The following ST7L variants were observed in gnomAD, a reference collection of about 807,000 sequenced individuals.
ST7L encodes the protein suppressor of tumorigenicity 7 protein-like.
In ST7L, 57 loss-of-function variants were observed where a neutral mutation model predicts 72.5. The observed-to-expected ratio is 0.79, with a 90% CI of 0.64 to 0.98. ST7L has a LOEUF of 0.98. ST7L is among the 50% of genes least tolerant of loss of function. The probability of loss-of-function intolerance (pLI) is 0.00; values close to 1 mark genes in which losing one functional copy is unlikely to be tolerated. For missense variants in ST7L, 576 were observed against 672.2 expected (o/e 0.86, Z 1.58); for synonymous variants, 221 against 240.9 (o/e 0.92, Z 0.77).
chr1:112,542,836 G>A (rs1172681061), intron 13 of ST7L, among the ~76,000 whole-genome samples: 2 of 151,896 alleles, frequency 1.3e-5, no homozygotes, highest in Non-Finnish European at 2.9e-5. Flanking sequence ...GTCTCGCTCT[G>A]TTGCCTAGGC....
chr1:112,531,493 A>C (rs967366276), intron 14 of ST7L, among the ~76,000 whole-genome samples: 1 of 152,192 alleles, frequency 6.6e-6, no homozygotes, highest in African/African-American at 2.4e-5. Flanking sequence ...TAACCGAATA[A>C]ATTCTTCTGA....
chr1:112,548,670 A>G (rs566382999), intron 13 of ST7L, among the ~76,000 whole-genome samples: 3 of 152,346 alleles, frequency 2.0e-5, no homozygotes, highest in South Asian at 2.1e-4. Context: ...TTTATATCAC[A>G]TAAGAAAACA....
intron 14 of ST7L, chr1:112,540,492 C>T (rs751792143): frequency 1.2e-5 from 12 of 985,386 alleles, no homozygotes; most frequent in Non-Finnish European, 1.4e-5. Flanking sequence ...AGTTTCCAAA[C>T]CAAATAGCTA....
intron 13 of ST7L, among the ~76,000 whole-genome samples, chr1:112,542,543 A>T (rs115281554): frequency 0.017 from 2,511 of 152,176 alleles, 76 homozygotes; most frequent in African/African-American, 0.058. Flanking sequence ...GATCGCTTAA[A>T]GCCAGGCATG....
intron 13 of ST7L, among the ~76,000 whole-genome samples, chr1:112,548,343 G>C (rs775638858): frequency 8.5e-5 from 13 of 152,130 alleles, no homozygotes; most frequent in Non-Finnish European, 1.9e-4. Flanking sequence ...GGGCAACAAG[G>C]ACGGAAACTC....
chr1:112,574,266 C>T (rs1358116315), intron 11 of ST7L, among the ~76,000 whole-genome samples: 12 of 145,606 alleles, frequency 8.2e-5, no homozygotes, highest in African/African-American at 1.8e-4. Flanking sequence ...ACCCAGGCTG[C>T]GGTGTAATGG....
intron 6 of ST7L, among the ~76,000 whole-genome samples, chr1:112,587,834 T>C (rs577039340): frequency 3.3e-5 from 5 of 152,332 alleles, no homozygotes; most frequent in Non-Finnish European, 7.3e-5. Flanking sequence ...AGGATCGCCT[T>C]GTCCATTTCT....
At chr1:112,613,832 A>G (rs1465994151) in intron 2 of ST7L, among the ~76,000 whole-genome samples, 1 of 152,056 alleles carries the variant, frequency 6.6e-6, no homozygotes, top group Non-Finnish European at 1.5e-5. Flanking sequence ...GGCTCAAGCA[A>G]TCCTCCCACC....
At chr1:112,570,566 T>TACACACACACACACAC (rs1349137965) in intron 11 of ST7L, among the ~76,000 whole-genome samples, 16 of 134,026 alleles carry the variant, frequency 1.2e-4, no homozygotes, top group African/African-American at 4.9e-4. Flanking sequence ...TATATATATA[T>TACACACACACACACAC]ATATACACAC....
At chr1:112,594,613 T>G (rs983147988) in intron 5 of ST7L, among the ~76,000 whole-genome samples, 6 of 152,206 alleles carry the variant, frequency 3.9e-5, no homozygotes. Context: ...TGGTAAGTTC[T>G]AGGCAAAGTT....
intron 3 of ST7L, among the ~76,000 whole-genome samples, chr1:112,602,134 T>C (rs934942976): frequency 1.3e-5 from 2 of 150,958 alleles, no homozygotes; most frequent in African/African-American, 4.9e-5. Context: ...TGTAAGAAAT[T>C]GATGAAGGAC....
Position 112,525,527 on chromosome 1 carries a change from ATTCC to A in ST7L, c.*482_*485del. On this transcript the variant is annotated 3_prime_UTR_variant, in exon 15 of 15. Transcript: ENST00000358039. The stretch of plus-strand genomic sequence containing the variant: ...ATTATCTCTGAGCATCTCGGTGGCT[ATTCC>A]TCATTTACTTAAGATGTTTTAGTCA... The A allele has an allele frequency of 1.3e-5, 2 of 148,518 alleles. No homozygotes were observed. The highest frequency in any genetic ancestry group is 6.6e-5 in the Admixed American group (1 of 15,060). 9.2% of individuals were successfully genotyped at this position (148,518 alleles called of 1,614,324 possible).
In ST7L at chr1:112,533,610, G is replaced by A. The variant is rs139008300; in HGVS notation, c.1630-7499C>T. The stretch of plus-strand genomic sequence containing the variant: ...ATTACAGGCGTGAACCACCACGCCC[G>A]GCTGAGTTCTTTATTTTTAAGTAAT... On this transcript the variant is annotated intron_variant, in intron 14 of 14. Transcript: ENST00000358039. Among the ~76,000 whole-genome samples the A allele has an allele frequency of 7.2e-3, 1,093 of 150,826 alleles. 7 individuals are homozygous for A. The highest frequency in any genetic ancestry group is 0.01 in the Non-Finnish European group (701 of 67,632).
Position 112,550,672 on chromosome 1 carries a change from G to A in ST7L, c.1418C>T (p.Pro473Leu), listed in dbSNP as rs190286242. 8.5e-5 allele frequency: 137 copies of A among 1,613,020 alleles called. 2 individuals are homozygous for A. The East Asian group carries it at 1.6e-3, about 19-fold the overall frequency. ...WEGTFRMIPY[P>L]LEKGHLFYPY... ...GTAAAATAGATGTCCTTTCTCTAAC[G>A]GGTATGGAATCATTCTAAAAGCTGA... Residue 473 changes from proline to leucine, a missense_variant, in exon 13 of 15, where the codon CCG (proline) becomes CTG (leucine). Transcript: ENST00000358039.
intron 6 of ST7L, among the ~76,000 whole-genome samples, chr1:112,588,753 G>T (rs1665239545): frequency 6.6e-6 from 1 of 152,124 alleles, no homozygotes; most frequent in Non-Finnish European, 1.5e-5. Flanking sequence ...CTTGGTCAGG[G>T]TGTATAACAT....
At chr1:112,547,670 C>G (rs1199831232) in intron 13 of ST7L, among the ~76,000 whole-genome samples, 4 of 138,398 alleles carry the variant, frequency 2.9e-5, no homozygotes, top group African/African-American at 1.1e-4. Context: ...TCAAGCGATT[C>G]TCCTGCCTCA....
At chr1:112,528,051 A>C (rs1222246583) in intron 14 of ST7L, 2 of 152,204 alleles carry the variant, frequency 1.3e-5, no homozygotes, top group African/African-American at 4.8e-5. Context: ...CAATAAAATG[A>C]AACAGTTTAA....
At chr1:112,602,654 A>G (rs1667591655) in intron 3 of ST7L, among the ~76,000 whole-genome samples, 2 of 152,116 alleles carry the variant, frequency 1.3e-5, no homozygotes, top group Non-Finnish European at 2.9e-5. Context: ...CTTTTACTTG[A>G]AAGAGCCACA....
intron 9 of ST7L, among the ~76,000 whole-genome samples, chr1:112,580,463 C>T (rs1663916205): frequency 6.6e-6 from 1 of 152,160 alleles, no homozygotes; most frequent in Admixed American, 6.6e-5. Flanking sequence ...TTCAATGTGA[C>T]TTACATGTGT....
Sources: allele counts gnomAD v4.1 joint callset (sites outside exome capture counted in the v4.1 genomes callset), GRCh38; gene constraint gnomAD v4.1.1; transcripts MANE v1.5; gene names NCBI Gene and HGNC (gene_info 2026-07-23, HGNC 2026-07-21).